PLEKHA5: variants seen among roughly 807,000 people sequenced by gnomAD.
PLEKHA5 encodes the protein pleckstrin homology domain containing A5, also known as pleckstrin homology domain-containing family A member 5.
In PLEKHA5, 55 loss-of-function variants were observed where a neutral mutation model predicts 181.9. The observed-to-expected ratio is 0.30, with a 90% CI of 0.24 to 0.38. The LOEUF (loss-of-function observed/expected upper bound fraction) is 0.38. Among genes scored for constraint, PLEKHA5 ranks in the 10% least tolerant of loss-of-function variants. The pLI is 1.00. For synonymous variants in PLEKHA5, 535 were observed against 529.4 expected (o/e 1.01, Z -0.15); for missense variants, 1,432 against 1,549.5 (o/e 0.92, Z 1.27).
chr12:19,327,320 A>C (rs1272081), intron 20 of PLEKHA5, among the ~76,000 whole-genome samples: 2 of 141,452 alleles, frequency 1.4e-5, no homozygotes, highest in Non-Finnish European at 3.1e-5. Context: ...TTGTGATTTT[A>C]ATTTGTATTT....
intron 3 of PLEKHA5, among the ~76,000 whole-genome samples, chr12:19,167,745 A>T (rs1314217384): frequency 6.6e-6 from 1 of 152,070 alleles, no homozygotes; most frequent in African/African-American, 2.4e-5. Context: ...AACAGTTGTC[A>T]TATAAATAAA....
chr12:19,251,739 CA>C (rs374276545), intron 3 of PLEKHA5, among the ~76,000 whole-genome samples: 805 of 65,618 alleles, frequency 0.012, 1 homozygote, highest in Middle Eastern at 0.041. Context: ...GAGGCCCATC[CA>C]AAAAAAAAAA....
intron 3 of PLEKHA5, among the ~76,000 whole-genome samples, chr12:19,141,712 G>T (rs1190217250): frequency 1.3e-5 from 2 of 152,200 alleles, no homozygotes; most frequent in Admixed American, 6.5e-5. Context: ...GCCAGTCCTA[G>T]ATTGGCTGTC....
chr12:19,184,450 C>T (rs1253018304), intron 3 of PLEKHA5, among the ~76,000 whole-genome samples: 3 of 152,100 alleles, frequency 2.0e-5, no homozygotes, highest in African/African-American at 7.2e-5. Context: ...TACAGCTATG[C>T]CCTTGCTAGT....
At chr12:19,293,213 A>G (rs1003040820) in intron 15 of PLEKHA5, among the ~76,000 whole-genome samples, 14 of 152,208 alleles carry the variant, frequency 9.2e-5, no homozygotes, top group African/African-American at 3.1e-4. Flanking sequence ...GTAATGTGCT[A>G]CTTTAAATTA....
chr12:19,334,829 A>AAAAAAAAAAAAAATATATAT, intron 20 of PLEKHA5, among the ~76,000 whole-genome samples: 1 of 18,602 alleles, frequency 5.4e-5, no homozygotes, highest in Non-Finnish European at 1.4e-4. Context: ...AAAAAAAAAA[A>AAAAAAAAAAAAAATATATAT]ATATATATAT....
Position 19,322,440 on chromosome 12 carries a change from A to T in PLEKHA5, c.2298+50A>T, listed in dbSNP as rs749386330. On this transcript the variant is annotated intron_variant, in intron 19 of 31. Transcript: ENST00000429027. Reference sequence around the variant, plus strand: ...ACAATTGATGTTACTTAATATGATTATTATCAGGACACTGATAAGTAAAAA... The same window carrying T: ...ACAATTGATGTTACTTAATATGATTTTTATCAGGACACTGATAAGTAAAAA... 4 of 1,549,566 alleles carry T rather than the reference A, an allele frequency of 2.6e-6. No individual in the cohort carries two copies. The African/African-American group carries it at 5.4e-5, about 21-fold the overall frequency.
chr12:19,200,174 T>C (rs1224941209), intron 3 of PLEKHA5: 1 of 572,226 alleles, frequency 1.7e-6, no homozygotes, highest in Non-Finnish European at 3.1e-6. Context: ...CTTGAGGTGA[T>C]GGATCCCCTC....
At chr12:19,221,668 C>G (rs958433732) in intron 3 of PLEKHA5, among the ~76,000 whole-genome samples, 2 of 152,126 alleles carry the variant, frequency 1.3e-5, no homozygotes, top group Non-Finnish European at 2.9e-5. Flanking sequence ...AGAATGCAGA[C>G]TATGACAAAG....
intron 20 of PLEKHA5, among the ~76,000 whole-genome samples, chr12:19,334,829 A>AAAAAAAT: frequency 1.1e-4 from 2 of 18,608 alleles, no homozygotes; most frequent in African/African-American, 2.4e-4. Context: ...AAAAAAAAAA[A>AAAAAAAT]ATATATATAT....
At chr12:19,188,101 T>C (rs1455684529) in intron 3 of PLEKHA5, among the ~76,000 whole-genome samples, 1 of 152,120 alleles carries the variant, frequency 6.6e-6, no homozygotes, top group Non-Finnish European at 1.5e-5. Flanking sequence ...TAGAAAAAAA[T>C]GAAGTCAATT....
chr12:19,275,855 A>G (rs979838466), intron 11 of PLEKHA5, among the ~76,000 whole-genome samples: 2 of 152,198 alleles, frequency 1.3e-5, no homozygotes, highest in Admixed American at 6.5e-5. Context: ...CAACTACTAT[A>G]TGCTAATTGT....
intron 7 of PLEKHA5, among the ~76,000 whole-genome samples, chr12:19,263,018 A>G (rs773959198): frequency 7.2e-5 from 11 of 152,238 alleles, no homozygotes; most frequent in Non-Finnish European, 1.2e-4. Context: ...AACTGTAGAA[A>G]CAAGAGAAAT....
intron 3 of PLEKHA5, among the ~76,000 whole-genome samples, chr12:19,194,904 A>G (rs992807007): frequency 4.6e-5 from 7 of 152,202 alleles, no homozygotes; most frequent in Non-Finnish European, 8.8e-5. Context: ...TATATCAAAT[A>G]TACTTTAAGG....
chr12:19,243,930 G>A (rs1298055844), intron 3 of PLEKHA5, among the ~76,000 whole-genome samples: 2 of 152,122 alleles, frequency 1.3e-5, no homozygotes, highest in Non-Finnish European at 2.9e-5. Context: ...TTCTATGCCA[G>A]CGTATTTTCA....
chr12:19,293,468 G>A (rs2078986759), intron 15 of PLEKHA5, among the ~76,000 whole-genome samples: 2 of 152,062 alleles, frequency 1.3e-5, no homozygotes, highest in South Asian at 4.1e-4. Context: ...TGTATATTAT[G>A]CACTTTGTAT....
At chr12:19,279,348 G>T (rs896175662) in intron 11 of PLEKHA5, among the ~76,000 whole-genome samples, 1 of 151,984 alleles carries the variant, frequency 6.6e-6, no homozygotes, top group African/African-American at 2.4e-5. Flanking sequence ...TATTTAGCCC[G>T]CAAGCTCTTT....
chr12:19,240,741 G>T (rs2062404970), intron 3 of PLEKHA5, among the ~76,000 whole-genome samples: 1 of 151,640 alleles, frequency 6.6e-6, no homozygotes, highest in African/African-American at 2.4e-5. Context: ...CAAAGTGCTG[G>T]GATTACAGGC....
At chr12:19,350,153 CTTGATTGGACCATGGTTTAAA>C (rs1443818675) in intron 25 of PLEKHA5, among the ~76,000 whole-genome samples, 1 of 152,086 alleles carries the variant, frequency 6.6e-6, no homozygotes, top group Non-Finnish European at 1.5e-5. Context: ...CTGTTTGAAA[CTTGATTGGACCATGGTTTAAA>C]AGAAGAATCT....
Sources: allele counts gnomAD v4.1 joint callset (sites outside exome capture counted in the v4.1 genomes callset), GRCh38; gene constraint gnomAD v4.1.1; transcripts MANE v1.5; gene names NCBI Gene and HGNC (gene_info 2026-07-23, HGNC 2026-07-21).